The following HMCN1 variants were observed in gnomAD, a reference collection of about 807,000 sequenced individuals.
HMCN1 encodes hemicentin-1.
Under a neutral mutation model 625.9 loss-of-function variants are expected in HMCN1, and 321 were observed. That is an observed-to-expected ratio of 0.51 (90% CI 0.47 to 0.56). The LOEUF (loss-of-function observed/expected upper bound fraction) is 0.56, where lower values mean the gene tolerates loss of function less well. Among genes scored for constraint, HMCN1 ranks in the 20% least tolerant of loss-of-function variants. The pLI, the probability that HMCN1 is intolerant of heterozygous loss-of-function variation, is 0.00. For synonymous variants in HMCN1, 2,425 were observed against 2,417.6 expected (o/e 1.00, Z -0.09); for missense variants, 6,588 against 6,887.3 (o/e 0.96, Z 1.54).
intron 89 of HMCN1, among the ~76,000 whole-genome samples, chr1:186,139,828 T>C (rs1174018080): frequency 1.3e-5 from 2 of 152,126 alleles, no homozygotes; most frequent in Non-Finnish European, 2.9e-5. Context: ...CTACAAGTTT[T>C]CCTCCTCACC....
intron 68 of HMCN1, among the ~76,000 whole-genome samples, chr1:186,103,243 A>G (rs1168044484): frequency 2.6e-5 from 4 of 152,118 alleles, no homozygotes; most frequent in Admixed American, 2.6e-4. Context: ...CAATAATTGC[A>G]TGGTAATGAA....
rs993612391 is a variant in HMCN1 at position 186,151,641 on chromosome 1, C to G, written c.14794C>G (p.Pro4932Ala). Reference sequence around the variant, plus strand: ...GAGAAAGATAGTTTCTATTCTAAATCCCATTTATTGGACAACAGCAAAGGA... The same window carrying G: ...GAGAAAGATAGTTTCTATTCTAAATGCCATTTATTGGACAACAGCAAAGGA... ...AMRKIVSILNPIYWTTAKEIG... is the reference protein window; with the variant it reads ...AMRKIVSILNAIYWTTAKEIG... Residue 4932 changes from proline (P) to alanine (A), a missense_variant, in exon 95 of 107, where the codon CCC becomes GCC. Pro to Ala is a conservative substitution (Grantham distance 27, BLOSUM62 -1). Around this residue, in one of 3 missense-constraint regions of HMCN1, gnomAD observed 1,954 missense variants for 2,013.1 expected, o/e 0.97. Coordinates refer to ENST00000271588, the MANE Select transcript of HMCN1 (RefSeq NM_031935.3). 3 of 1,612,616 alleles carry G rather than the reference C, an allele frequency of 1.9e-6. No homozygotes were observed. Among genetic ancestry groups the G allele is most frequent in the Non-Finnish European group, 2.5e-6 (3 of 1,178,864 alleles).
chr1:186,074,343 T>G (rs1658663489), intron 52 of HMCN1, among the ~76,000 whole-genome samples: 1 of 150,676 alleles, frequency 6.6e-6, no homozygotes, highest in Non-Finnish European at 1.5e-5. Context: ...GTGCTCAATC[T>G]TTCATAAAGA....
At chr1:185,854,633 T>C (rs1468150632) in intron 2 of HMCN1, among the ~76,000 whole-genome samples, 1 of 152,182 alleles carries the variant, frequency 6.6e-6, no homozygotes, top group East Asian at 1.9e-4. Context: ...CTCTATCCTT[T>C]TATATTCATG....
chr1:185,984,254 C>T lies in HMCN1; in HGVS notation c.2876C>T (p.Thr959Ile), dbSNP rs766969281. ...RVQLQDGGEY[T>I]CVASNVAGTN... Reference sequence around the variant, plus strand: ...CAGCTTCAGGATGGTGGTGAATATACTTGTGTGGCCAGTAACGTTGCTGGG... The same window carrying T: ...CAGCTTCAGGATGGTGGTGAATATATTTGTGTGGCCAGTAACGTTGCTGGG... The change falls in exon 19 of 107, where the codon ACT becomes ATT. Residue 959 changes from threonine to isoleucine, a missense_variant. By Grantham distance (89) the Thr-to-Ile change is moderately conservative (BLOSUM62 -1). Around this residue, in one of 3 missense-constraint regions of HMCN1, gnomAD observed 4,628 missense variants for 4,853.1 expected, o/e 0.95. Transcript: ENST00000271588. 3 of 1,613,796 alleles carry T rather than the reference C, an allele frequency of 1.9e-6. No individual in the cohort carries two copies. In the South Asian group the frequency reaches 3.3e-5, roughly 18 times the overall value.
intron 1 of HMCN1, among the ~76,000 whole-genome samples, chr1:185,825,481 G>A (rs1297372739): frequency 6.6e-6 from 1 of 152,152 alleles, no homozygotes; most frequent in Non-Finnish European, 1.5e-5. Flanking sequence ...CTGAAATATT[G>A]TGTGTCTGGA....
At chr1:185,779,635 T>C (rs983046833) in intron 1 of HMCN1, among the ~76,000 whole-genome samples, 4 of 152,212 alleles carry the variant, frequency 2.6e-5, no homozygotes. Context: ...TTTGTCAGGT[T>C]TGTCAAAGAT....
intron 85 of HMCN1, 84 bp downstream of exon 85, chr1:186,130,781 C>T (rs910537881): frequency 1.6e-5 from 18 of 1,128,060 alleles, no homozygotes; most frequent in Non-Finnish European, 1.9e-5. Context: ...AGAAACATTT[C>T]TCTTACATTC....
intron 69 of HMCN1, among the ~76,000 whole-genome samples, chr1:186,106,198 G>A (rs1660599929): frequency 6.6e-6 from 1 of 152,152 alleles, no homozygotes; most frequent in Non-Finnish European, 1.5e-5. Flanking sequence ...AGTAGTAAGA[G>A]CATCTGTTTT....
At chr1:186,169,831 C>T (rs904846713) in intron 100 of HMCN1, among the ~76,000 whole-genome samples, 4 of 151,958 alleles carry the variant, frequency 2.6e-5, no homozygotes, top group South Asian at 2.1e-4. Flanking sequence ...ATTGACAATG[C>T]GATCTAATTA....
At chr1:185,833,803 C>T (rs1661015823) in intron 1 of HMCN1, among the ~76,000 whole-genome samples, 1 of 151,986 alleles carries the variant, frequency 6.6e-6, no homozygotes, top group African/African-American at 2.4e-5. Flanking sequence ...TTTTTCCTGA[C>T]AGCCATACTC....
intron 50 of HMCN1, among the ~76,000 whole-genome samples, chr1:186,069,061 A>C (rs1658320227): frequency 6.6e-6 from 1 of 152,158 alleles, no homozygotes; most frequent in African/African-American, 2.4e-5. Flanking sequence ...AAAAGTATAA[A>C]GTGAGAATGG....
chr1:185,748,354 A>G (rs1422922483), intron 1 of HMCN1, among the ~76,000 whole-genome samples: 2 of 152,084 alleles, frequency 1.3e-5, no homozygotes, highest in Admixed American at 6.5e-5. Context: ...CTCCCCAGCC[A>G]CACCCTATGT....
At chr1:186,091,700 A>G (rs1267774619) in intron 64 of HMCN1, among the ~76,000 whole-genome samples, 1 of 152,046 alleles carries the variant, frequency 6.6e-6, no homozygotes, top group Non-Finnish European at 1.5e-5. Flanking sequence ...ACTTCATCAC[A>G]AAATCCCATT....
At chr1:186,065,578 GAATTAATTTATA>G in intron 49 of HMCN1, 149 bp downstream of exon 49, 1 of 566,386 alleles carries the variant, frequency 1.8e-6, no homozygotes, top group South Asian at 2.9e-5. Context: ...TATTTTTCCT[GAATTAATTTATA>G]AATTAATTTA....
At chr1:186,062,472 G>T in intron 47 of HMCN1, 42 bp from the exon 48 acceptor site, 1 of 1,148,648 alleles carries the variant, frequency 8.7e-7, no homozygotes. Context: ...TAGCAGCTTT[G>T]CTGTTAAGAG....
At chr1:186,150,794 C>T (rs992998987) in intron 93 of HMCN1, among the ~76,000 whole-genome samples, 3 of 151,816 alleles carry the variant, frequency 2.0e-5, no homozygotes, top group Non-Finnish European at 2.9e-5. Context: ...CTTAAAGCTA[C>T]CTTATAGAAT....
At chr1:186,133,898 A>ATT (rs1649398411) in intron 86 of HMCN1, among the ~76,000 whole-genome samples, 1 of 151,712 alleles carries the variant, frequency 6.6e-6, no homozygotes, top group South Asian at 2.1e-4. Context: ...GGCATACCAA[A>ATT]TTTCTTTACT....
At chr1:186,048,715 T>C in intron 41 of HMCN1, 28 bp from the exon 42 acceptor site, 2 of 1,342,032 alleles carry the variant, frequency 1.5e-6, no homozygotes, top group Non-Finnish European at 2.1e-6. Flanking sequence ...ATAGAAAGTG[T>C]GATTTCAAAG....
Sources: gnomAD v4.1 joint callset for allele counts (sites outside exome capture counted in the v4.1 genomes callset) on GRCh38, gnomAD v4.1.1 for gene constraint, gnomAD v4.1.1 regional missense constraint, MANE v1.5 for transcripts, NCBI Gene and HGNC (gene_info 2026-07-23, HGNC 2026-07-21) for gene names.